The following CCDC88A variants were observed in gnomAD, a reference collection of about 807,000 sequenced individuals.
CCDC88A encodes the protein coiled-coil and HOOK domain protein 88A.
In CCDC88A, 54 loss-of-function variants were observed where a neutral mutation model predicts 234.3. The observed-to-expected ratio is 0.23, with a 90% CI of 0.19 to 0.29. The LOEUF (loss-of-function observed/expected upper bound fraction) is 0.29, where lower values mean the gene tolerates loss of function less well. CCDC88A is among the 10% of genes least tolerant of loss of function. The pLI, the probability that CCDC88A is intolerant of heterozygous loss-of-function variation, is 1.00. For missense variants in CCDC88A, 1,832 were observed against 2,123.4 expected (o/e 0.86, Z 2.70); for synonymous variants, 753 against 737.8 (o/e 1.02, Z -0.33).
rs746663753 is a variant in CCDC88A, at chr2:55,335,040, T to C, written c.1781A>G (p.Glu594Gly). Reference sequence around the variant, plus strand: ...CTTGCTACTTGTTTCTTTGATAGATTCATGAAGAATTTTGTTTTCTTTTTC... The same window carrying C: ...CTTGCTACTTGTTTCTTTGATAGATCCATGAAGAATTTTGTTTTCTTTTTC... ...DIEKENKILHESIKETSSKLS... is the reference protein window; with the variant it reads ...DIEKENKILHGSIKETSSKLS... Residue 594 changes from glutamate to glycine, a missense_variant, in exon 15 of 33, where the codon GAA becomes GGA. Transcript: ENST00000436346. This position sits in a 1 kb window ranked among gnomAD's most constrained non-coding sequence, Gnocchi z 4.5. 1 of 1,611,390 alleles carries C rather than the reference T, an allele frequency of 6.2e-7. No homozygotes were observed.
intron 8 of CCDC88A, among the ~76,000 whole-genome samples, chr2:55,352,447 A>C (rs913358336): frequency 6.7e-6 from 1 of 148,540 alleles, no homozygotes; most frequent in Non-Finnish European, 1.5e-5. Context: ...CACACAAAAA[A>C]ACACAAAAAA....
chr2:55,322,123 C>T (rs563590521), intron 18 of CCDC88A, among the ~76,000 whole-genome samples: 7 of 152,034 alleles, frequency 4.6e-5, no homozygotes, highest in South Asian at 4.2e-4. Context: ...AGTAAAGGCA[C>T]GGTGGTAATA....
At chr2:55,316,550 T>C (rs1339885249) in intron 21 of CCDC88A, among the ~76,000 whole-genome samples, 1 of 152,098 alleles carries the variant, frequency 6.6e-6, no homozygotes, top group Non-Finnish European at 1.5e-5. Flanking sequence ...ACCCTATTTC[T>C]ACAAAAACTA....
intron 31 of CCDC88A, chr2:55,295,240 G>A (rs1183315718): frequency 7.5e-7 from 1 of 1,341,860 alleles, no homozygotes; most frequent in Admixed American, 2.2e-5. Context: ...TTTTCTTTCT[G>A]TGCAGGTTTA....
intron 23 of CCDC88A, among the ~76,000 whole-genome samples, chr2:55,310,446 G>C (rs763716764): frequency 6.6e-6 from 1 of 152,112 alleles, no homozygotes; most frequent in African/African-American, 2.4e-5. Context: ...GCAGCATGCC[G>C]CAGCATTTGC....
chr2:55,387,554 G>T (rs1302329233), intron 3 of CCDC88A, among the ~76,000 whole-genome samples: 1 of 151,940 alleles, frequency 6.6e-6, no homozygotes, highest in Non-Finnish European at 1.5e-5. Context: ...GGCTGAGGGG[G>T]GCAGATCACT....
Position 55,367,528 on chromosome 2 carries a change from G to GTTTTTTTTTTTTTTTTTTTTTT in CCDC88A, c.403-3496_403-3495insAAAAAAAAAAAAAAAAAAAAAA. On this transcript the variant is annotated intron_variant, in intron 5 of 32. Coordinates refer to ENST00000436346, the MANE Select transcript of CCDC88A (RefSeq NM_001365480.1). Reference sequence around the variant, plus strand: ...TTGCTAGAAATTGTTTTATTTCCTTGTTTTTTTTTAAGAGACTGGGTCTTG... The same window carrying GTTTTTTTTTTTTTTTTTTTTTT: ...TTGCTAGAAATTGTTTTATTTCCTTGTTTTTTTTTTTTTTTTTTTTTTTTTTTTTTTAAGAGACTGGGTCTTG... Among the ~76,000 whole-genome samples, 553 of 99,772 alleles carry GTTTTTTTTTTTTTTTTTTTTTT rather than the reference G, an allele frequency of 5.5e-3. 79 individuals are homozygous for GTTTTTTTTTTTTTTTTTTTTTT. Among genetic ancestry groups the GTTTTTTTTTTTTTTTTTTTTTT allele is most frequent in the African/African-American group, 0.012 (281 of 23,308 alleles). 65.5% of individuals were successfully genotyped at this position (99,772 alleles called of 152,430 possible).
intron 3 of CCDC88A, among the ~76,000 whole-genome samples, chr2:55,386,423 G>C (rs1003976730): frequency 8.3e-6 from 1 of 120,566 alleles, no homozygotes; most frequent in Admixed American, 8.0e-5. Flanking sequence ...AACATAGTGA[G>C]ACTCTGTCTC....
intron 29 of CCDC88A, among the ~76,000 whole-genome samples, chr2:55,299,026 C>T (rs989491803): frequency 6.6e-6 from 1 of 152,034 alleles, no homozygotes; most frequent in Admixed American, 6.6e-5. Flanking sequence ...ATGGTGAAAC[C>T]CTGTCTCCAC....
intron 3 of CCDC88A, among the ~76,000 whole-genome samples, chr2:55,387,317 G>A (rs1297832760): frequency 1.3e-5 from 2 of 151,108 alleles, no homozygotes; most frequent in Non-Finnish European, 2.9e-5. Context: ...AGAATGACTA[G>A]AATTAAAACA....
intron 2 of CCDC88A, among the ~76,000 whole-genome samples, chr2:55,402,282 C>G (rs1427663189): frequency 2.0e-5 from 3 of 152,136 alleles, no homozygotes; most frequent in Admixed American, 2.0e-4. Context: ...TCTTTCACTT[C>G]TTTGCAAATC....
intron 7 of CCDC88A, among the ~76,000 whole-genome samples, chr2:55,360,511 G>T (rs901509359): frequency 1.3e-5 from 2 of 151,834 alleles, no homozygotes; most frequent in African/African-American, 4.9e-5. Flanking sequence ...CTAGCAAGTT[G>T]TTTCCCAAGT....
chr2:55,371,882 A>G (rs1672902913), intron 5 of CCDC88A, among the ~76,000 whole-genome samples: 1 of 152,188 alleles, frequency 6.6e-6, no homozygotes, highest in Non-Finnish European at 1.5e-5. Flanking sequence ...CCTGACCTGA[A>G]AGAAGATATT....
chr2:55,408,640 A>T (rs1480328057), intron 2 of CCDC88A, among the ~76,000 whole-genome samples: 2 of 152,146 alleles, frequency 1.3e-5, no homozygotes, highest in Non-Finnish European at 2.9e-5. Flanking sequence ...GGCATGAATA[A>T]TCTACCCCTT....
Position 55,308,931 on chromosome 2 carries a change from G to C in CCDC88A, c.4265C>G (p.Pro1422Arg), listed in dbSNP as rs753827397. Residue 1422 changes from proline to arginine, a missense_variant, in exon 25 of 33, where the codon CCC becomes CGC. Physicochemically the swap from Pro to Arg is moderately radical, Grantham distance 103. Coordinates refer to ENST00000436346, the MANE Select transcript of CCDC88A (RefSeq NM_001365480.1). ...TCCTTCACTGGAGTCTGAGCGGGTGGGTGTTAATGTTAGAGATTTCTGGCG... is the reference window on the plus strand; with the variant it reads ...TCCTTCACTGGAGTCTGAGCGGGTGCGTGTTAATGTTAGAGATTTCTGGCG... ...RERQKSLTLT[P>R]TRSDSSEGFL... 58 of 1,613,594 alleles carry C rather than the reference G, an allele frequency of 3.6e-5. No individual in the cohort carries two copies. In the East Asian group the frequency reaches 1.3e-3, roughly 35 times the overall value.
At chr2:55,402,705 C>T (rs1403193449) in intron 2 of CCDC88A, among the ~76,000 whole-genome samples, 1 of 67,766 alleles carries the variant, frequency 1.5e-5, no homozygotes, top group Non-Finnish European at 3.6e-5. Flanking sequence ...CATTTTATTA[C>T]TATTTAAAAA....
chr2:55,295,081 C>A, intron 31 of CCDC88A: 3 of 1,300,772 alleles, frequency 2.3e-6, no homozygotes, highest in Non-Finnish European at 3.0e-6. Flanking sequence ...CAACCATATT[C>A]ATACCAAACA....
chr2:55,383,848 CTAATA>C (rs1675015184), intron 3 of CCDC88A, among the ~76,000 whole-genome samples: 1 of 152,024 alleles, frequency 6.6e-6, no homozygotes, highest in African/African-American at 2.4e-5. Flanking sequence ...CACACCCTCT[CTAATA>C]TAATAAGAAC....
intron 10 of CCDC88A, among the ~76,000 whole-genome samples, chr2:55,344,984 T>C (rs924334214): frequency 6.6e-6 from 1 of 152,186 alleles, no homozygotes; most frequent in African/African-American, 2.4e-5. Flanking sequence ...CAAGGCTCTA[T>C]TAATAAATAT....
Sources: allele counts gnomAD v4.1 joint callset (sites outside exome capture counted in the v4.1 genomes callset), GRCh38; gene constraint gnomAD v4.1.1; non-coding constraint Gnocchi (gnomAD v3.1); transcripts MANE v1.5; gene names NCBI Gene and HGNC (gene_info 2026-07-23, HGNC 2026-07-21).